The following HMGCLL1 variants were observed in gnomAD, a reference collection of about 807,000 sequenced individuals.
HMGCLL1 encodes 3-hydroxymethyl-3-methylglutaryl-CoA lyase, cytoplasmic.
Under a neutral mutation model 39.1 loss-of-function variants are expected in HMGCLL1, and 36 were observed. The observed-to-expected ratio is 0.92, with a 90% CI of 0.71 to 1.22. The LOEUF is 1.22. Ranked by LOEUF, HMGCLL1 falls within the 50% of genes most tolerant of loss-of-function variation. The pLI, the probability that HMGCLL1 is intolerant of heterozygous loss-of-function variation, is 0.00. For missense variants in HMGCLL1, 451 were observed against 416.5 expected (o/e 1.08, Z -0.72); for synonymous variants, 149 against 144.0 (o/e 1.03, Z -0.25).
chr6:55,668,372 T>C, the HMGCLL1 span, among the ~76,000 whole-genome samples: 1 of 151,934 alleles, frequency 6.6e-6, no homozygotes, highest in African/African-American at 2.4e-5. Context: ...AATAACCTTT[T>C]AAAAGCTTTT....
chr6:55,524,248 G>A (rs934747880), intron 3 of HMGCLL1, among the ~76,000 whole-genome samples: 2 of 151,364 alleles, frequency 1.3e-5, no homozygotes, highest in Non-Finnish European at 2.9e-5. Context: ...GACGAACAAA[G>A]AATGTATAGT....
chr6:55,576,939 C>A, intron 1 of HMGCLL1: 1 of 1,161,604 alleles, frequency 8.6e-7, no homozygotes, highest in Non-Finnish European at 1.2e-6. Flanking sequence ...AACATCTGGA[C>A]TGGAATTCAA....
intron 1 of HMGCLL1, chr6:55,566,679 C>T (rs545475451): frequency 2.2e-6 from 1 of 454,104 alleles, no homozygotes; most frequent in East Asian, 7.0e-5. Context: ...TGTGAATTAA[C>T]TTAATAGAAA....
intron 7 of HMGCLL1, among the ~76,000 whole-genome samples, chr6:55,485,518 G>T (rs1384524822): frequency 6.6e-6 from 1 of 151,768 alleles, no homozygotes; most frequent in Non-Finnish European, 1.5e-5. Flanking sequence ...AGAAAGCTTT[G>T]AAAAATAATC....
intron 1 of HMGCLL1, among the ~76,000 whole-genome samples, chr6:55,542,734 G>A (rs541876134): frequency 2.2e-4 from 33 of 149,358 alleles, no homozygotes; most frequent in South Asian, 1.7e-3. Flanking sequence ...AGCTGAGATC[G>A]TGCCATTGCA....
At chr6:55,640,929 A>G in the HMGCLL1 span, among the ~76,000 whole-genome samples, 1 of 151,966 alleles carries the variant, frequency 6.6e-6, no homozygotes, top group Admixed American at 6.6e-5. Flanking sequence ...CTATATCCTT[A>G]TATTTTGTGT....
the HMGCLL1 span, among the ~76,000 whole-genome samples, chr6:55,651,323 C>T: frequency 4.0e-4 from 61 of 152,158 alleles, no homozygotes; most frequent in African/African-American, 1.4e-3. Context: ...CACAGGGTTT[C>T]TTTCTTTAAG....
At chr6:55,473,451 C>G (rs1188043102) in intron 7 of HMGCLL1, among the ~76,000 whole-genome samples, 2 of 151,236 alleles carry the variant, frequency 1.3e-5, no homozygotes, top group Non-Finnish European at 1.5e-5. Context: ...ACCTTGTTAA[C>G]TAAAGTCCAC....
chr6:55,525,348 T>C (rs990534917), intron 3 of HMGCLL1, among the ~76,000 whole-genome samples: 2 of 151,982 alleles, frequency 1.3e-5, no homozygotes, highest in Non-Finnish European at 2.9e-5. Flanking sequence ...TGGTAGGATA[T>C]GAAATTAGGT....
At chr6:55,448,975 AATG>A in intron 7 of HMGCLL1, among the ~76,000 whole-genome samples, 1 of 152,292 alleles carries the variant, frequency 6.6e-6, no homozygotes, top group South Asian at 2.1e-4. Context: ...TATTTCTCAG[AATG>A]ATATCATCTA....
intron 7 of HMGCLL1, among the ~76,000 whole-genome samples, chr6:55,474,699 T>C (rs1236881485): frequency 2.6e-5 from 4 of 151,560 alleles, no homozygotes. Flanking sequence ...GTTGTTGTTG[T>C]TGTCGTTGAA....
chr6:55,586,623 C>G, the HMGCLL1 span, among the ~76,000 whole-genome samples: 2 of 151,310 alleles, frequency 1.3e-5, no homozygotes, highest in Non-Finnish European at 2.9e-5. Flanking sequence ...CAATTCCCAC[C>G]TATGAGTGAG....
the HMGCLL1 span, among the ~76,000 whole-genome samples, chr6:55,586,965 C>G: frequency 1.2e-4 from 18 of 152,038 alleles, no homozygotes; most frequent in Admixed American, 2.6e-4. Flanking sequence ...CCTGAGGAAT[C>G]GCCACACTGA....
chr6:55,442,705 C>A (rs552965632), intron 7 of HMGCLL1, among the ~76,000 whole-genome samples: 1 of 152,228 alleles, frequency 6.6e-6, no homozygotes, highest in East Asian at 1.9e-4. Flanking sequence ...TTTCCATTAC[C>A]ACAACATTTC....
At chr6:55,490,187 A>G (rs1318071963) in intron 7 of HMGCLL1, among the ~76,000 whole-genome samples, 3 of 152,108 alleles carry the variant, frequency 2.0e-5, no homozygotes, top group African/African-American at 7.2e-5. Context: ...TCTACCTATC[A>G]GATACGTGTT....
intron 7 of HMGCLL1, among the ~76,000 whole-genome samples, chr6:55,461,379 C>T (rs1764557608): frequency 2.0e-5 from 3 of 151,782 alleles, no homozygotes; most frequent in Admixed American, 2.0e-4. Context: ...TGTAATTCTC[C>T]AAGTAAAATA....
At chr6:55,495,005 A>T (rs1766499922) in intron 7 of HMGCLL1, among the ~76,000 whole-genome samples, 1 of 152,182 alleles carries the variant, frequency 6.6e-6, no homozygotes, top group Non-Finnish European at 1.5e-5. Flanking sequence ...AGATCTTCCC[A>T]TCATAGAGCA....
Position 55,537,053 on chromosome 6 carries a change from C to T in HMGCLL1, c.297+4676G>A, listed in dbSNP as rs184880370. On this transcript the variant is annotated intron_variant, in intron 3 of 8. Transcript: ENST00000274901. ...ATGTAAGCTGTTGTACTAAAATTAT[C>T]GTCAAAATCTCAGATGTTAAGTTAG... 5.5e-3 allele frequency among the ~76,000 whole-genome samples: 834 copies of T among 152,178 alleles called. 9 individuals are homozygous for T. Among genetic ancestry groups the T allele is most frequent in the South Asian group, 0.033 (159 of 4,822 alleles).
intron 3 of HMGCLL1, among the ~76,000 whole-genome samples, chr6:55,540,565 A>G (rs991838565): frequency 2.6e-5 from 4 of 152,104 alleles, no homozygotes; most frequent in African/African-American, 9.7e-5. Flanking sequence ...TAAATGTTGG[A>G]CTTCCCAGCC....
Sources: gnomAD v4.1 joint callset for allele counts (sites outside exome capture counted in the v4.1 genomes callset) on GRCh38, gnomAD v4.1.1 for gene constraint, MANE v1.5 for transcripts, NCBI Gene and HGNC (gene_info 2026-07-23, HGNC 2026-07-21) for gene names.